The following IL1RAPL1 variants were observed in gnomAD, a reference collection of about 807,000 sequenced individuals.
The protein encoded by IL1RAPL1 is interleukin-1 receptor accessory protein-like 1.
In IL1RAPL1, 3 loss-of-function variants were observed where a neutral mutation model predicts 48.4. The observed-to-expected ratio is 0.06, with a 90% confidence interval of 0.03 to 0.16. The LOEUF (loss-of-function observed/expected upper bound fraction) is 0.16. IL1RAPL1 is among the 10% of genes least tolerant of loss of function. The pLI, the probability that IL1RAPL1 is intolerant of heterozygous loss-of-function variation, is 1.00. For missense variants in IL1RAPL1, 349 were observed against 530.6 expected, an observed-to-expected ratio of 0.66 and a Z score of 3.36; for synonymous variants, 185 against 187.7, an observed-to-expected ratio of 0.99 and a Z score of 0.12.
intron 2 of IL1RAPL1, among the ~76,000 whole-genome samples, chrX:29,161,286 T>C (rs1278076163): frequency 9.0e-6 from 1 of 111,676 alleles, no homozygotes; most frequent in Non-Finnish European, 1.9e-5. Context: ...TTCTGAACTA[T>C]AGTAAGAAAT....
intron 1 of IL1RAPL1, among the ~76,000 whole-genome samples, chrX:28,707,170 A>G (rs1445013781): frequency 8.9e-6 from 1 of 112,029 alleles, no homozygotes; most frequent in African/African-American, 3.2e-5. Flanking sequence ...ACGCCTGTGA[A>G]TCTCTGCCTG....
intron 2 of IL1RAPL1, among the ~76,000 whole-genome samples, chrX:29,200,232 A>C (rs762380622): frequency 9.0e-6 from 1 of 111,454 alleles, no homozygotes; most frequent in South Asian, 3.9e-4. Context: ...AGTGCTTTAC[A>C]TTGCCCAGAT....
At position 29,625,915 on chromosome X, in the gene IL1RAPL1, C is replaced by T. The variant is rs113744825; in HGVS notation, c.704-42515C>T. Reference sequence around the variant, plus strand: ...AACTCTTATGTAAGAAGGCAGCCTGCCTTTATTGCCATATCCTAAAAAGAT... The same window carrying T: ...AACTCTTATGTAAGAAGGCAGCCTGTCTTTATTGCCATATCCTAAAAAGAT... On this transcript the variant is annotated intron_variant, in intron 5 of 10. Transcript: ENST00000378993. Among the ~76,000 whole-genome samples the T allele has an allele frequency of 5.3e-3, 593 of 111,561 alleles. 2 individuals are homozygous for T. Among genetic ancestry groups the T allele is most frequent in the African/African-American group, 0.018 (560 of 30,712 alleles).
intron 2 of IL1RAPL1, among the ~76,000 whole-genome samples, chrX:29,258,392 A>G (rs1931793222): frequency 9.0e-6 from 1 of 111,481 alleles, no homozygotes. Flanking sequence ...AATTAACAAC[A>G]TGTTACCTTC....
chrX:28,749,848 CTA>C (rs1936020115), intron 1 of IL1RAPL1, among the ~76,000 whole-genome samples: 1 of 108,734 alleles, frequency 9.2e-6, no homozygotes, highest in Non-Finnish European at 1.9e-5. Context: ...ATCATTTCCC[CTA>C]TGTTTTCTTC....
intron 2 of IL1RAPL1, among the ~76,000 whole-genome samples, chrX:29,258,023 GA>G (rs769971686): frequency 1.3e-3 from 143 of 111,334 alleles, no homozygotes; most frequent in Non-Finnish European, 2.3e-3. Flanking sequence ...CGGATCATTT[GA>G]AGGTCAATTT....
chrX:29,081,497 C>G (rs1305854058), intron 2 of IL1RAPL1, among the ~76,000 whole-genome samples: 1 of 111,497 alleles, frequency 9.0e-6, no homozygotes, highest in African/African-American at 3.3e-5. Context: ...GCCACCACGC[C>G]CAGCCTCAAA....
chrX:29,158,092 C>A (rs1009765479), intron 2 of IL1RAPL1, among the ~76,000 whole-genome samples: 3 of 110,780 alleles, frequency 2.7e-5, no homozygotes, highest in African/African-American at 9.9e-5. Flanking sequence ...TTAGAATGAC[C>A]CCAAGGGAAT....
At chrX:28,748,844 C>T (rs1337648956) in intron 1 of IL1RAPL1, among the ~76,000 whole-genome samples, 2 of 111,585 alleles carry the variant, frequency 1.8e-5, no homozygotes, top group African/African-American at 6.5e-5. Flanking sequence ...GTACCTTACT[C>T]TTAACCATAT....
chrX:29,871,145 C>G (rs949770226), intron 6 of IL1RAPL1, among the ~76,000 whole-genome samples: 1 of 112,052 alleles, frequency 8.9e-6, no homozygotes, highest in African/African-American at 3.2e-5. Context: ...TCTAATCTCT[C>G]TGGCCCTTTT....
chrX:29,137,635 C>T (rs1204006443), intron 2 of IL1RAPL1, among the ~76,000 whole-genome samples: 1 of 111,874 alleles, frequency 8.9e-6, no homozygotes, highest in Non-Finnish European at 1.9e-5. Context: ...AAACCTAAAC[C>T]TCTACTTTAA....
At chrX:29,753,261 T>A (rs1928534890) in intron 6 of IL1RAPL1, among the ~76,000 whole-genome samples, 1 of 111,811 alleles carries the variant, frequency 8.9e-6, no homozygotes, top group Admixed American at 9.5e-5. Flanking sequence ...CTTGCTTCAT[T>A]GTTTATTTGT....
intron 1 of IL1RAPL1, among the ~76,000 whole-genome samples, chrX:28,606,202 G>C (rs901134600): frequency 3.6e-5 from 4 of 111,621 alleles, no homozygotes; most frequent in African/African-American, 1.3e-4. Context: ...ATGTAAATTT[G>C]GTAAAATAAA....
intron 5 of IL1RAPL1, among the ~76,000 whole-genome samples, chrX:29,435,888 T>C (rs772726507): frequency 1.7e-4 from 19 of 110,896 alleles, no homozygotes; most frequent in Non-Finnish European, 2.9e-4. Flanking sequence ...GGTCACTTTT[T>C]CTTTTCAAGT....
intron 2 of IL1RAPL1, among the ~76,000 whole-genome samples, chrX:29,102,779 G>T (rs985128604): frequency 9.0e-6 from 1 of 111,256 alleles, no homozygotes; most frequent in African/African-American, 3.3e-5. Context: ...ATTCAGTAAA[G>T]TTGCAGGTTA....
At chrX:29,138,771 C>A in intron 2 of IL1RAPL1, among the ~76,000 whole-genome samples, 1 of 85,413 alleles carries the variant, frequency 1.2e-5, no homozygotes, top group African/African-American at 4.6e-5. Context: ...AGCGAGACTC[C>A]ATCTAAAAAA....
intron 5 of IL1RAPL1, among the ~76,000 whole-genome samples, chrX:29,663,166 T>C: frequency 8.9e-6 from 1 of 112,252 alleles, no homozygotes; most frequent in African/African-American, 3.2e-5. Context: ...ATTCAGAGGT[T>C]GAAGCATTAT....
chrX:28,767,715 ATGTGTGTG>A (rs35909020), intron 1 of IL1RAPL1, among the ~76,000 whole-genome samples: 12 of 101,819 alleles, frequency 1.2e-4, no homozygotes, highest in Admixed American at 2.1e-4. Flanking sequence ...AGCCTGGGGG[ATGTGTGTG>A]TGTGTGTGTG....
At chrX:28,641,061 GA>G (rs1437810838) in intron 1 of IL1RAPL1, among the ~76,000 whole-genome samples, 1 of 109,591 alleles carries the variant, frequency 9.1e-6, no homozygotes, top group African/African-American at 3.3e-5. Context: ...AGAAATGTAG[GA>G]TTTTTTTTTT....
Sources: gnomAD v4.1 joint callset for allele counts (sites outside exome capture counted in the v4.1 genomes callset) on GRCh38, gnomAD v4.1.1 for gene constraint, MANE v1.5 for transcripts, NCBI Gene and HGNC (gene_info 2026-07-23, HGNC 2026-07-21) for gene names.